Variants in DCC observed in about 807,000 individuals in gnomAD.
The protein encoded by DCC is DCC netrin 1 receptor.
Under a neutral mutation model 172.5 loss-of-function variants are expected in DCC, and 58 were observed. That is an observed-to-expected ratio of 0.34 (90% CI 0.27 to 0.42). The LOEUF (loss-of-function observed/expected upper bound fraction) is 0.42, where lower values mean the gene tolerates loss of function less well. DCC is among the 10% of genes least tolerant of loss of function. The pLI is 1.00. For synonymous variants in DCC, 709 were observed against 644.5 expected, an observed-to-expected ratio of 1.10 and a Z score of -1.52; for missense variants, 1,740 against 1,791.0, an observed-to-expected ratio of 0.97 and a Z score of 0.51.
intron 2 of DCC, among the ~76,000 whole-genome samples, chr18:52,820,514 G>A (rs2038386751): frequency 6.6e-6 from 1 of 151,830 alleles, no homozygotes; most frequent in Admixed American, 6.6e-5. Flanking sequence ...AATTTCTAGA[G>A]CTCGTGGGTC....
At chr18:52,942,161 A>AT (rs1361958217) in intron 5 of DCC, among the ~76,000 whole-genome samples, 3 of 152,132 alleles carry the variant, frequency 2.0e-5, no homozygotes, top group African/African-American at 4.8e-5. Context: ...TGAGATAGGT[A>AT]TTTTTTAATC....
At chr18:52,385,095 A>G (rs1189296116) in intron 1 of DCC, among the ~76,000 whole-genome samples, 3 of 152,246 alleles carry the variant, frequency 2.0e-5, no homozygotes, top group Admixed American at 2.0e-4. Flanking sequence ...TGCATAGAGC[A>G]AAGGAAAATT....
At chr18:53,184,230 G>A (rs1398226007) in intron 9 of DCC, among the ~76,000 whole-genome samples, 2 of 151,990 alleles carry the variant, frequency 1.3e-5, no homozygotes, top group African/African-American at 2.4e-5. Context: ...CTTAGCATTT[G>A]GCAGGCTGTT....
chr18:53,213,580 G>A (rs1370936514), intron 11 of DCC, among the ~76,000 whole-genome samples: 1 of 136,652 alleles, frequency 7.3e-6, no homozygotes, highest in Non-Finnish European at 1.5e-5. Flanking sequence ...CCCGGGAGAC[G>A]AAGGTTGCAG....
chr18:53,138,750 A>T (rs754960258), intron 7 of DCC, among the ~76,000 whole-genome samples: 1 of 152,244 alleles, frequency 6.6e-6, no homozygotes, highest in Non-Finnish European at 1.5e-5. Flanking sequence ...CACTAACAAT[A>T]TACCCTTGGG....
At chr18:53,099,606 T>C (rs1376366150) in intron 7 of DCC, among the ~76,000 whole-genome samples, 1 of 152,128 alleles carries the variant, frequency 6.6e-6, no homozygotes, top group Non-Finnish European at 1.5e-5. Flanking sequence ...TCTTTAATAA[T>C]AATAATAGCT....
intron 2 of DCC, among the ~76,000 whole-genome samples, chr18:52,811,892 C>G (rs1049918077): frequency 6.6e-6 from 1 of 152,066 alleles, no homozygotes; most frequent in African/African-American, 2.4e-5. Flanking sequence ...CCAGCCCAAA[C>G]AAAATTTCGG....
intron 25 of DCC, among the ~76,000 whole-genome samples, chr18:53,481,551 A>G (rs1028753441): frequency 6.6e-6 from 1 of 152,274 alleles, no homozygotes; most frequent in East Asian, 1.9e-4. Context: ...CCCAGATAAT[A>G]TACAGGTCAT....
chr18:53,392,047 A>C (rs1218481575), intron 17 of DCC, among the ~76,000 whole-genome samples, 160 bp downstream of exon 17: 1 of 152,222 alleles, frequency 6.6e-6, no homozygotes, highest in African/African-American at 2.4e-5. Flanking sequence ...TTAACATGAG[A>C]ATAATTGTAT....
At chr18:52,447,959 G>A (rs1260020594) in intron 1 of DCC, among the ~76,000 whole-genome samples, 9 of 152,110 alleles carry the variant, frequency 5.9e-5, no homozygotes, top group African/African-American at 2.2e-4. Flanking sequence ...GATTTGATGG[G>A]GACACCGAAC....
chr18:53,007,899 CTCAT>C (rs780098447), intron 5 of DCC, among the ~76,000 whole-genome samples: 1 of 152,054 alleles, frequency 6.6e-6, no homozygotes, highest in Non-Finnish European at 1.5e-5. Flanking sequence ...CGCCTTTGGG[CTCAT>C]TCAAATGCTG....
intron 1 of DCC, among the ~76,000 whole-genome samples, chr18:52,511,184 G>A (rs1268484656): frequency 6.6e-6 from 1 of 151,388 alleles, no homozygotes; most frequent in Non-Finnish European, 1.5e-5. Context: ...GGAAGGCTGA[G>A]GCAGGGGAAT....
chr18:53,196,237 C>T (rs1198313235), intron 9 of DCC, among the ~76,000 whole-genome samples: 3 of 152,106 alleles, frequency 2.0e-5, no homozygotes, highest in African/African-American at 7.2e-5. Flanking sequence ...ATCACAAAAA[C>T]AGTTGCATTT....
intron 1 of DCC, among the ~76,000 whole-genome samples, chr18:52,412,415 A>G (rs186867251): frequency 6.6e-6 from 1 of 152,226 alleles, no homozygotes; most frequent in East Asian, 1.9e-4. Context: ...AGCAATATAT[A>G]CTATACTATA....
Position 53,463,832 on chromosome 18 carries a change from T to A in DCC, c.3620-4062T>A, listed in dbSNP as rs190949419. On this transcript the variant is annotated intron_variant, in intron 24 of 28. Transcript: ENST00000442544. ...TTTTGCGCCCATGAAATTAGCTTTTTGGATAAAACCAGAAATTAGTTTACA... is the reference window on the plus strand; with the variant it reads ...TTTTGCGCCCATGAAATTAGCTTTTAGGATAAAACCAGAAATTAGTTTACA... Among the ~76,000 whole-genome samples the A allele has an allele frequency of 4.1e-3, 629 of 152,352 alleles. 6 individuals are homozygous for A. The highest frequency in any genetic ancestry group is 3.1e-3 in the Non-Finnish European group (212 of 68,012).
At chr18:52,548,146 C>A (rs968354353) in intron 1 of DCC, among the ~76,000 whole-genome samples, 1 of 152,084 alleles carries the variant, frequency 6.6e-6, no homozygotes, top group Non-Finnish European at 1.5e-5. Flanking sequence ...CTTTTCTTTT[C>A]TTTTCCTTTT....
intron 2 of DCC, among the ~76,000 whole-genome samples, chr18:52,848,212 A>G (rs989678380): frequency 6.6e-6 from 1 of 150,894 alleles, no homozygotes; most frequent in Non-Finnish European, 1.5e-5. Context: ...CAGCCTCCGG[A>G]GTGCTGAGAT....
intron 7 of DCC, among the ~76,000 whole-genome samples, chr18:53,150,762 C>T (rs758639931): frequency 6.6e-6 from 1 of 152,208 alleles, no homozygotes; most frequent in Non-Finnish European, 1.5e-5. Context: ...GAGGTGAAAG[C>T]ATGAGGTCTT....
chr18:53,434,179 G>T (rs1450763292), intron 21 of DCC, among the ~76,000 whole-genome samples: 1 of 152,168 alleles, frequency 6.6e-6, no homozygotes, highest in Non-Finnish European at 1.5e-5. Context: ...TACTGTATCT[G>T]AGTGTCCTGG....
Sources: gnomAD v4.1 joint callset for allele counts (sites outside exome capture counted in the v4.1 genomes callset) on GRCh38, gnomAD v4.1.1 for gene constraint, MANE v1.5 for transcripts, NCBI Gene and HGNC (gene_info 2026-07-23, HGNC 2026-07-21) for gene names.